The following C11orf58 variants were observed in gnomAD, a reference collection of about 807,000 sequenced individuals.
C11orf58 encodes the protein chromosome 11 open reading frame 58.
In C11orf58, 5 loss-of-function variants were observed where a neutral mutation model predicts 22.7. That is an observed-to-expected ratio of 0.22 (90% CI 0.12 to 0.46). The LOEUF (loss-of-function observed/expected upper bound fraction) is 0.46. Among genes scored for constraint, C11orf58 ranks in the 20% least tolerant of loss-of-function variants. C11orf58 has a pLI of 0.99. For synonymous variants in C11orf58, 71 were observed against 70.7 expected, an observed-to-expected ratio of 1.00 and a Z score of -0.02; for missense variants, 151 against 223.3, an observed-to-expected ratio of 0.68 and a Z score of 2.06.
In C11orf58 at chr11:16,756,107, C is replaced by G. The variant is rs945177176; in HGVS notation, c.*1003C>G. 2.6e-5 allele frequency: 4 copies of G among 152,154 alleles called. No individual in the cohort carries two copies. The highest frequency in any genetic ancestry group is 5.9e-5 in the Non-Finnish European group (4 of 68,026). The allele number at this position is 152,154 out of a possible 1,614,324, so 9.4% of individuals were successfully genotyped here. Reference sequence around the variant, plus strand: ...GTGGTTGATTTGTATAGCTGATTAACACAAATTGCATTATGAGCTAGTAAA... The same window carrying G: ...GTGGTTGATTTGTATAGCTGATTAAGACAAATTGCATTATGAGCTAGTAAA... On this transcript the variant is annotated 3_prime_UTR_variant, in exon 5 of 5. Transcript: ENST00000228136.
intron 2 of C11orf58, chr11:16,747,412 T>C (rs1049264123): frequency 4.6e-5 from 7 of 152,250 alleles, no homozygotes; most frequent in Non-Finnish European, 8.8e-5. Flanking sequence ...TGAGCACTTA[T>C]GAAACTAAAT....
At position 16,755,065 on chromosome 11, in the gene C11orf58, C is replaced by A; in HGVS notation, c.513C>A (p.Ser171Arg). 6.2e-7 allele frequency: 1 copy of A among 1,614,108 alleles called. No homozygotes were observed. The highest frequency in any genetic ancestry group is 1.6e-4 in the Middle Eastern group (1 of 6,062). ...EDPKNKKDAK[S>R]NYKMMFVKSS... ...CCAAAAACAAAAAAGATGCAAAAAG[C>A]AATTATAAAATGATGTTTGTTAAAT... The change falls in exon 5 of 5, where the codon AGC (serine) becomes AGA (arginine). Residue 171 changes from serine (S) to arginine (R), a missense_variant. Physicochemically the swap from Ser to Arg is moderately radical, Grantham distance 110. Transcript: ENST00000228136.
chr11:16,754,330 G>C (rs1423119686), intron 4 of C11orf58, among the ~76,000 whole-genome samples: 3 of 151,336 alleles, frequency 2.0e-5, no homozygotes, highest in Non-Finnish European at 4.4e-5. Flanking sequence ...CTCCCCTCTT[G>C]TTTTCTTTTG....
At chr11:16,753,549 G>C (rs1325286597) in intron 4 of C11orf58, among the ~76,000 whole-genome samples, 1 of 152,056 alleles carries the variant, frequency 6.6e-6, no homozygotes, top group Non-Finnish European at 1.5e-5. Flanking sequence ...TTTCAGGAGA[G>C]ATAGGGTTTC....
intron 2 of C11orf58, 75 bp downstream of exon 2, chr11:16,744,759 G>C (rs1848475454): frequency 7.6e-7 from 1 of 1,320,388 alleles, no homozygotes; most frequent in Admixed American, 1.8e-5. Flanking sequence ...AAGTAAGAAG[G>C]ACTGAATATA....
Position 16,744,496 on chromosome 11 carries a change from T to C in C11orf58, c.64-105T>C, listed in dbSNP as rs560468839. ...CAAGAAAAATGAACGCTGTTTATAG[T>C]TACAACTGACAGGGGAAAAAAACTT... On this transcript the variant is annotated intron_variant, in intron 1 of 4. Coordinates refer to ENST00000228136, the MANE Select transcript of C11orf58 (RefSeq NM_014267.6). The C allele has an allele frequency of 2.5e-5, 21 of 840,306 alleles. No homozygotes were observed. The African/African-American group carries it at 3.1e-4, about 12-fold the overall frequency. The allele number at this position is 840,306 out of a possible 1,614,324, so 52.1% of individuals were successfully genotyped here.
chr11:16,740,310 A>G (rs1479870557), intron 1 of C11orf58, among the ~76,000 whole-genome samples: 1 of 152,240 alleles, frequency 6.6e-6, no homozygotes, highest in African/African-American at 2.4e-5. Context: ...TAAGTCATTA[A>G]GTTTACAGCT....
chr11:16,740,005 A>T (rs1848433049), intron 1 of C11orf58, among the ~76,000 whole-genome samples: 1 of 152,222 alleles, frequency 6.6e-6, no homozygotes, highest in Non-Finnish European at 1.5e-5. Context: ...CTCTGCAGAA[A>T]GATTAGCAAT....
At position 16,738,656 on chromosome 11, in the gene C11orf58, C is replaced by T; in HGVS notation, c.-123C>T. 4 of 1,119,034 alleles carry T rather than the reference C, an allele frequency of 3.6e-6. No homozygotes were observed. Among genetic ancestry groups the T allele is most frequent in the Non-Finnish European group, 5.4e-6 (4 of 741,414 alleles). The allele number at this position is 1,119,034 out of a possible 1,614,324, so 69.3% of individuals were successfully genotyped here. A position where few individuals can be genotyped will look rare whatever the true frequency, so the allele number is the denominator to read the frequency against. ...CGGTGACGACTGTGGCAGAGAAGGC[C>T]CGGAGGGGCTCTGCGTTCTGTAGTG... On this transcript the variant is annotated 5_prime_UTR_variant, in exon 1 of 5. Transcript: ENST00000228136.
intron 2 of C11orf58, chr11:16,747,852 G>T: frequency 3.4e-6 from 1 of 291,198 alleles, no homozygotes; most frequent in Non-Finnish European, 6.4e-6. Context: ...CCTTACTCAG[G>T]TCTGTTTTGT....
In C11orf58 at chr11:16,748,832, A is replaced by G. The variant is rs1848508762; in HGVS notation, c.208+675A>G. On this transcript the variant is annotated intron_variant, in intron 3 of 4. Transcript: ENST00000228136. ...CATGTACTTTGATTTTTAAAAGATG[A>G]GAGAGTATATGTCATTATGATATTC... Among the ~76,000 whole-genome samples, 3 of 152,134 alleles carry G rather than the reference A, an allele frequency of 2.0e-5. No homozygotes were observed. In the South Asian group the frequency reaches 6.2e-4, roughly 31 times the overall value.
At chr11:16,740,668 C>T (rs1361375257) in intron 1 of C11orf58, among the ~76,000 whole-genome samples, 3 of 152,004 alleles carry the variant, frequency 2.0e-5, no homozygotes, top group Non-Finnish European at 4.4e-5. Flanking sequence ...GCGATCTGCC[C>T]ACCTCGGCCT....
chr11:16,740,813 G>T (rs1183204161), intron 1 of C11orf58, among the ~76,000 whole-genome samples: 6 of 150,250 alleles, frequency 4.0e-5, no homozygotes, highest in Non-Finnish European at 7.4e-5. Flanking sequence ...AAACTAGCAG[G>T]CCGGGCGCGG....
At chr11:16,744,713 C>A (rs1380860427) in intron 2 of C11orf58, 29 bp downstream of exon 2, 1 of 1,592,270 alleles carries the variant, frequency 6.3e-7, no homozygotes, top group Non-Finnish European at 8.6e-7. Context: ...GCATTTTTAC[C>A]TTTTCTGTGA....
At chr11:16,749,048 T>C (rs1192762680) in intron 3 of C11orf58, 1 of 152,190 alleles carries the variant, frequency 6.6e-6, no homozygotes, top group Admixed American at 6.5e-5. Flanking sequence ...TTTAAAATCT[T>C]TGAAGAATAT....
intron 1 of C11orf58, chr11:16,739,649 G>A (rs555263590): frequency 1.3e-5 from 2 of 152,236 alleles, no homozygotes; most frequent in African/African-American, 4.8e-5. Context: ...CCAGTGTCAT[G>A]GAAACGGTAG....
At chr11:16,752,712 G>C in intron 3 of C11orf58, 73 bp from the exon 4 acceptor site, 1 of 1,001,666 alleles carries the variant, frequency 1.0e-6, no homozygotes, top group South Asian at 1.6e-5. Flanking sequence ...GAGTATAATA[G>C]CATCTGTATT....
At chr11:16,744,739 T>C in intron 2 of C11orf58, 55 bp downstream of exon 2, 2 of 1,473,824 alleles carry the variant, frequency 1.4e-6, no homozygotes, top group East Asian at 2.3e-5. Context: ...TTGCCATTTT[T>C]ATGTATGCTA....
At chr11:16,753,233 ACGCC>A (rs1339395900) in intron 4 of C11orf58, among the ~76,000 whole-genome samples, 1 of 151,966 alleles carries the variant, frequency 6.6e-6, no homozygotes, top group East Asian at 1.9e-4. Flanking sequence ...GCCTGCCATC[ACGCC>A]CAGCCAATTT....
Sources: gnomAD v4.1 joint callset for allele counts (sites outside exome capture counted in the v4.1 genomes callset) on GRCh38, gnomAD v4.1.1 for gene constraint, MANE v1.5 for transcripts, NCBI Gene and HGNC (gene_info 2026-07-23, HGNC 2026-07-21) for gene names.